Variants in ZNF678 observed in about 807,000 individuals in gnomAD.
ZNF678 encodes the protein hypothetical protein MGC42493.
ZNF678 carries 5 observed loss-of-function variants against 3.0 expected under a neutral mutation model. The ratio of observed to expected loss-of-function variants is 1.69; its 90% confidence interval spans 0.88 to 3.56. The LOEUF is 3.56. Ranked by LOEUF, ZNF678 falls within the 30% of genes most tolerant of loss-of-function variation. The probability of loss-of-function intolerance (pLI) is 0.00; values close to 1 mark genes in which losing one functional copy is unlikely to be tolerated. For synonymous variants in ZNF678, 218 were observed against 199.6 expected, an observed-to-expected ratio of 1.09 and a Z score of -0.78; for missense variants, 593 against 605.0, an observed-to-expected ratio of 0.98 and a Z score of 0.21.
At position 227,670,627 on chromosome 1, in the gene ZNF678, C is replaced by T. The variant is rs538211785; in HGVS notation, c.227-6552C>T. ...CCTGCATGTCTGTGGCAGTAGCTTCCCCTGGTCAGGAATGATCAGAAAGGT... is the reference window on the plus strand; with the variant it reads ...CCTGCATGTCTGTGGCAGTAGCTTCTCCTGGTCAGGAATGATCAGAAAGGT... On this transcript the variant is annotated intron_variant, in intron 5 of 5. Transcript: ENST00000608949. Among the ~76,000 whole-genome samples, 25 of 152,256 alleles carry T rather than the reference C, an allele frequency of 1.6e-4. No individual in the cohort carries two copies. In the South Asian group the frequency reaches 4.8e-3, roughly 29 times the overall value.
At chr1:227,604,680 C>T (rs1010488718) in intron 1 of ZNF678, among the ~76,000 whole-genome samples, 1 of 152,174 alleles carries the variant, frequency 6.6e-6, no homozygotes, top group Non-Finnish European at 1.5e-5. Context: ...TGAATCACTG[C>T]ACCCGGCCTC....
Position 227,571,550 on chromosome 1 carries a change from G to A in ZNF678, c.-164+7826G>A, listed in dbSNP as rs559496241. ...ATTGCAATATGAATTAGCCATATGT[G>A]TATTCACAATTCAATTTAAGTTCAA... On this transcript the variant is annotated intron_variant, in intron 1 of 3. Coordinates refer to ENST00000343776, the MANE Select transcript of ZNF678 (RefSeq NM_001367909.1). Among the ~76,000 whole-genome samples the A allele has an allele frequency of 3.3e-5, 5 of 152,296 alleles. No individual in the cohort carries two copies. In the South Asian group the frequency reaches 1.0e-3, roughly 32 times the overall value.
chr1:227,610,652 A>C (rs949147904), intron 1 of ZNF678, among the ~76,000 whole-genome samples: 1 of 152,158 alleles, frequency 6.6e-6, no homozygotes, highest in African/African-American at 2.4e-5. Flanking sequence ...ATTTCCTGTC[A>C]TTGGCCTGGA....
At chr1:227,616,517 TCTAC>T (rs1285864230) in intron 1 of ZNF678, among the ~76,000 whole-genome samples, 1 of 152,236 alleles carries the variant, frequency 6.6e-6, no homozygotes, top group Non-Finnish European at 1.5e-5. Flanking sequence ...TTTGAGGCCT[TCTAC>T]CTCAGGGAAA....
At position 227,655,387 on chromosome 1, in the gene ZNF678, C is replaced by A; in HGVS notation, c.1137C>A (p.Cys379Ter). The change falls in exon 4 of 4, where the codon TGC becomes TGA. Residue 379 changes from cysteine (C) to a stop codon, truncating the protein, a stop_gained. Transcript: ENST00000343776. LOFTEE classifies it low-confidence loss of function (END_TRUNC). ...RIHTGEKPYK[C>*]KECGKAFNKF... is the part of the protein sequence containing the mutation. ...ATACTGGAGAGAAACCCTACAAATG[C>A]AAAGAATGTGGCAAAGCGTTTAACA... The A allele has an allele frequency of 6.2e-7, 1 of 1,606,768 alleles. No homozygotes were observed. The highest frequency in any genetic ancestry group is 8.5e-7 in the Non-Finnish European group (1 of 1,177,364).
chr1:227,651,930 GAT>G (rs1659101331), intron 3 of ZNF678, among the ~76,000 whole-genome samples: 1 of 152,120 alleles, frequency 6.6e-6, no homozygotes, highest in South Asian at 2.1e-4. Flanking sequence ...TGCTTTGGGA[GAT>G]ATACAAGAAG....
intron 1 of ZNF678, among the ~76,000 whole-genome samples, chr1:227,639,045 A>T (rs1658750708): frequency 6.6e-6 from 1 of 152,122 alleles, no homozygotes; most frequent in Non-Finnish European, 1.5e-5. Flanking sequence ...GGCCAATGAG[A>T]TCCAAGTATG....
chr1:227,661,299 TTTGTTGTTGTTG>T lies in ZNF678; in HGVS notation c.*5483_*5494del, dbSNP rs140093649. 10 of 150,902 alleles carry T rather than the reference TTTGTTGTTGTTG, an allele frequency of 6.6e-5. No individual in the cohort carries two copies. Among genetic ancestry groups the T allele is most frequent in the Admixed American group, 6.6e-4 (10 of 15,126 alleles). The allele number at this position is 150,902 out of a possible 1,614,324, so 9.3% of individuals were successfully genotyped here. On this transcript the variant is annotated 3_prime_UTR_variant, in exon 4 of 4. Transcript: ENST00000343776. Reference sequence around the variant, plus strand: ...TTTTGTTGTTTTGTTTTGTTTTGTTTTTGTTGTTGTTGTTGTTGTTGTTTACCAGCAGGGGAC... The same window carrying T: ...TTTTGTTGTTTTGTTTTGTTTTGTTTTTGTTGTTGTTTACCAGCAGGGGAC...
chr1:227,636,233 C>T (rs1366951745), intron 1 of ZNF678, among the ~76,000 whole-genome samples: 1 of 152,138 alleles, frequency 6.6e-6, no homozygotes, highest in Admixed American at 6.5e-5. Flanking sequence ...TTTGTTCGGT[C>T]CCATCCCTTC....
intron 1 of ZNF678, among the ~76,000 whole-genome samples, chr1:227,604,151 C>T (rs1049522306): frequency 6.6e-6 from 1 of 152,156 alleles, no homozygotes; most frequent in Non-Finnish European, 1.5e-5. Flanking sequence ...TCCAGTGAGT[C>T]TTTGTGTGAA....
chr1:227,610,333 A>G (rs189972348), intron 1 of ZNF678, among the ~76,000 whole-genome samples: 1 of 152,354 alleles, frequency 6.6e-6, no homozygotes, highest in East Asian at 1.9e-4. Flanking sequence ...CCAGAAAACA[A>G]GATAAACAAA....
chr1:227,586,491 C>A (rs1657267082), intron 1 of ZNF678, among the ~76,000 whole-genome samples: 1 of 152,050 alleles, frequency 6.6e-6, no homozygotes, highest in Non-Finnish European at 1.5e-5. Flanking sequence ...ACAAAAGTAT[C>A]CTAACTGAAA....
chr1:227,672,168 C>T (rs1659611084), intron 5 of ZNF678, among the ~76,000 whole-genome samples: 1 of 152,086 alleles, frequency 6.6e-6, no homozygotes, highest in African/African-American at 2.4e-5. Context: ...AATTTTATTC[C>T]AGGTGATGTA....
chr1:227,639,425 C>T (rs10916189), intron 1 of ZNF678, among the ~76,000 whole-genome samples: 38,323 of 152,060 alleles, frequency 0.25, 5,948 homozygotes, highest in African/African-American at 0.44. Context: ...GTTTGAGGGC[C>T]GTCATCAAGC....
intron 1 of ZNF678, among the ~76,000 whole-genome samples, chr1:227,565,066 T>C (rs1272977500): frequency 7.4e-6 from 1 of 134,852 alleles, no homozygotes; most frequent in East Asian, 2.2e-4. Context: ...TTTTTTTTTT[T>C]TTTTTTTTTT....
intron 1 of ZNF678, among the ~76,000 whole-genome samples, chr1:227,619,395 T>C (rs1429589736): frequency 6.6e-6 from 1 of 152,206 alleles, no homozygotes; most frequent in Non-Finnish European, 1.5e-5. Flanking sequence ...GTTGGGCCCC[T>C]GAGTCTTGCA....
Position 227,651,039 on chromosome 1 carries a change from A to T in ZNF678, c.48A>T (p.Ala16=), listed in dbSNP as rs79916554. ...TTGGTGTCTGTGCATTTGAAGGAGC[A>T]AACACCTCTACCAGTTTTTATAAAC... ...LCIGVCAFEG[A]NTSTSFYKLV... Residue 16 remains alanine, a synonymous_variant, in exon 3 of 4, where the codon GCA becomes GCT. Coordinates refer to ENST00000343776, the MANE Select transcript of ZNF678 (RefSeq NM_001367909.1). 1,198 of 1,613,764 alleles carry T rather than the reference A, an allele frequency of 7.4e-4. 9 individuals are homozygous for T. The African/African-American group carries it at 0.014, about 19-fold the overall frequency.
At chr1:227,580,034 G>A (rs781022852) in intron 1 of ZNF678, among the ~76,000 whole-genome samples, 7 of 152,278 alleles carry the variant, frequency 4.6e-5, no homozygotes, top group East Asian at 1.9e-4. Flanking sequence ...TCTGGTGGTC[G>A]AGGGGTCTCT....
chr1:227,571,140 A>G (rs1331142129), intron 1 of ZNF678, among the ~76,000 whole-genome samples: 10 of 152,332 alleles, frequency 6.6e-5, no homozygotes, highest in Admixed American at 1.3e-4. Context: ...TAATATAAAT[A>G]GTTATTTGTA....
Sources: gnomAD v4.1 joint callset for allele counts (sites outside exome capture counted in the v4.1 genomes callset) on GRCh38, gnomAD v4.1.1 for gene constraint, MANE v1.5 for transcripts, NCBI Gene and HGNC (gene_info 2026-07-23, HGNC 2026-07-21) for gene names.